Variants in EYS observed in about 807,000 individuals in gnomAD.
EYS encodes EGF-like photoreceptor maintenance factor.
In EYS, 250 loss-of-function variants were observed where a neutral mutation model predicts 282.1. The ratio of observed to expected loss-of-function variants is 0.89; its 90% CI spans 0.80 to 0.98. The LOEUF (loss-of-function observed/expected upper bound fraction) is 0.98. Ranked by LOEUF, EYS falls within the 50% of genes least tolerant of loss-of-function variation. The pLI is 0.00. For synonymous variants in EYS, 1,355 were observed against 1,282.9 expected (o/e 1.06, Z -1.20); for missense variants, 4,016 against 3,709.0 (o/e 1.08, Z -2.15).
At chr6:65,473,826 T>A in intron 5 of EYS, among the ~76,000 whole-genome samples, 2 of 150,354 alleles carry the variant, frequency 1.3e-5, no homozygotes, top group East Asian at 2.0e-4. Context: ...AATAACAATG[T>A]TGGTTATGGG....
At chr6:65,235,501 T>C (rs1237943319) in intron 12 of EYS, among the ~76,000 whole-genome samples, 2 of 152,146 alleles carry the variant, frequency 1.3e-5, no homozygotes, top group African/African-American at 4.8e-5. Context: ...ATATCATATT[T>C]CTCCTTTATA....
chr6:64,800,232 T>C (rs866378183), intron 22 of EYS, among the ~76,000 whole-genome samples: 1 of 152,022 alleles, frequency 6.6e-6, no homozygotes, highest in Non-Finnish European at 1.5e-5. Flanking sequence ...ATACAGTAAT[T>C]CCACTGACAA....
At chr6:64,702,031 A>AT (rs1176547057) in intron 22 of EYS, among the ~76,000 whole-genome samples, 12 of 82,074 alleles carry the variant, frequency 1.5e-4, no homozygotes, top group Admixed American at 2.3e-4. Flanking sequence ...TAGTCATAAA[A>AT]TGCCTTTTTT....
chr6:64,900,885 T>A (rs1024323479), intron 18 of EYS, among the ~76,000 whole-genome samples: 2 of 152,050 alleles, frequency 1.3e-5, no homozygotes, highest in Admixed American at 1.3e-4. Context: ...GTAATATAAT[T>A]ACTGGGCATA....
chr6:64,777,114 A>T (rs1292025267), intron 22 of EYS, among the ~76,000 whole-genome samples: 1 of 152,164 alleles, frequency 6.6e-6, no homozygotes, highest in Non-Finnish European at 1.5e-5. Context: ...TCATGAGAAC[A>T]AGATGGGGGG....
At chr6:65,194,071 A>C (rs911704072) in intron 12 of EYS, among the ~76,000 whole-genome samples, 14 of 151,978 alleles carry the variant, frequency 9.2e-5, no homozygotes, top group Non-Finnish European at 1.6e-4. Context: ...CTTTTCGCCC[A>C]TAAACTTTGC....
intron 31 of EYS, among the ~76,000 whole-genome samples, chr6:64,218,327 T>G (rs1490301019): frequency 6.6e-6 from 1 of 151,174 alleles, no homozygotes; most frequent in Non-Finnish European, 1.5e-5. Flanking sequence ...TGAGATTTAT[T>G]GTATCTCTTA....
intron 31 of EYS, among the ~76,000 whole-genome samples, chr6:64,186,909 G>A (rs901816358): frequency 6.6e-6 from 1 of 152,148 alleles, no homozygotes; most frequent in Admixed American, 6.6e-5. Context: ...AGAGTACTTA[G>A]TTGTACTGTT....
intron 30 of EYS, among the ~76,000 whole-genome samples, chr6:64,257,368 G>A (rs1377184213): frequency 6.6e-6 from 1 of 151,914 alleles, no homozygotes; most frequent in African/African-American, 2.4e-5. Flanking sequence ...ATAGTTGCTT[G>A]CTTTCTTTAA....
intron 16 of EYS, among the ~76,000 whole-genome samples, chr6:64,903,824 T>C (rs1023649699): frequency 2.6e-5 from 4 of 152,170 alleles, no homozygotes; most frequent in Non-Finnish European, 5.9e-5. Flanking sequence ...ACTGCAAACC[T>C]GCCTCCCGTT....
chr6:65,233,745 C>T lies in EYS; in HGVS notation c.2023+62118G>A, dbSNP rs1311724787. Among the ~76,000 whole-genome samples the T allele has an allele frequency of 2.0e-5, 3 of 152,164 alleles. No homozygotes were observed. The South Asian group carries it at 6.2e-4, about 32-fold the overall frequency. ...GTTATTTTATCTTTACGTTTAGCTTCTCTAGTAGCTACCTCCATGTCAGAA... is the reference window on the plus strand; with the variant it reads ...GTTATTTTATCTTTACGTTTAGCTTTTCTAGTAGCTACCTCCATGTCAGAA... On this transcript the variant is annotated intron_variant, in intron 12 of 42. Coordinates refer to ENST00000503581, the MANE Select transcript of EYS (RefSeq NM_001142800.2).
At chr6:64,847,437 T>A (rs1024412558) in intron 19 of EYS, among the ~76,000 whole-genome samples, 4 of 152,096 alleles carry the variant, frequency 2.6e-5, no homozygotes, top group Non-Finnish European at 5.9e-5. Flanking sequence ...AATATTCTCT[T>A]AAGTAGTTAA....
At chr6:65,154,908 CA>C (rs1288210274) in intron 12 of EYS, among the ~76,000 whole-genome samples, 2 of 151,334 alleles carry the variant, frequency 1.3e-5, no homozygotes, top group African/African-American at 4.8e-5. Flanking sequence ...GTCACATTAT[CA>C]AAAAGTACAA....
intron 8 of EYS, among the ~76,000 whole-genome samples, chr6:65,383,583 T>C (rs933220062): frequency 2.6e-5 from 4 of 151,658 alleles, no homozygotes; most frequent in Admixed American, 1.3e-4. Flanking sequence ...AAAAAAATTA[T>C]TTTTTGAAAA....
At chr6:64,922,177 G>C (rs2181547) in intron 15 of EYS, among the ~76,000 whole-genome samples, 108,977 of 152,042 alleles carry the variant, frequency 0.72, 40,063 homozygotes, top group African/African-American at 0.89. Context: ...TCCCACCTCT[G>C]TCACACACAT....
At chr6:65,306,965 A>G (rs1769030155) in intron 11 of EYS, among the ~76,000 whole-genome samples, 1 of 137,648 alleles carries the variant, frequency 7.3e-6, no homozygotes, top group Admixed American at 7.4e-5. Context: ...GCGTATTTTT[A>G]AGTTTGGGAG....
intron 33 of EYS, among the ~76,000 whole-genome samples, chr6:64,034,690 ACTATG>A (rs1162755616): frequency 6.6e-6 from 1 of 152,192 alleles, no homozygotes; most frequent in Non-Finnish European, 1.5e-5. Context: ...GAATCTCTGT[ACTATG>A]CTATGCTGTC....
chr6:64,454,796 A>C (rs1280785951), intron 26 of EYS, among the ~76,000 whole-genome samples: 1 of 152,140 alleles, frequency 6.6e-6, no homozygotes, highest in Non-Finnish European at 1.5e-5. Flanking sequence ...ATATGTAGGG[A>C]TAACTCTAAT....
chr6:65,529,583 T>C (rs1767686974), intron 2 of EYS, among the ~76,000 whole-genome samples: 1 of 152,176 alleles, frequency 6.6e-6, no homozygotes, highest in Non-Finnish European at 1.5e-5. Flanking sequence ...AGTTGTCTTG[T>C]AAGCATGAAA....
Sources: gnomAD v4.1 joint callset for allele counts (sites outside exome capture counted in the v4.1 genomes callset) on GRCh38, gnomAD v4.1.1 for gene constraint, MANE v1.5 for transcripts, NCBI Gene and HGNC (gene_info 2026-07-23, HGNC 2026-07-21) for gene names.